Variants in ZNF704 observed in about 807,000 individuals in gnomAD.
ZNF704 encodes glucocorticoid induced gene 1.
In ZNF704, 10 loss-of-function variants were observed where a neutral mutation model predicts 44.7. The ratio of observed to expected loss-of-function variants is 0.22; its 90% CI spans 0.14 to 0.38. ZNF704 has a LOEUF of 0.38. Among genes scored for constraint, ZNF704 ranks in the 10% least tolerant of loss-of-function variants. The pLI is 1.00. For synonymous variants in ZNF704, 211 were observed against 207.6 expected (o/e 1.02, Z -0.14); for missense variants, 390 against 545.5 (o/e 0.71, Z 2.84).
intron 3 of ZNF704, among the ~76,000 whole-genome samples, chr8:80,692,020 CT>C (rs1002892682): frequency 1.3e-3 from 198 of 151,620 alleles, no homozygotes; most frequent in African/African-American, 4.5e-3. Flanking sequence ...CCACCAAGAT[CT>C]TTTTTTTTCC....
At chr8:80,771,292 G>A (rs1807315199) in intron 2 of ZNF704, among the ~76,000 whole-genome samples, 1 of 150,980 alleles carries the variant, frequency 6.6e-6, no homozygotes, top group Non-Finnish European at 1.5e-5. Context: ...ATATTTTTGT[G>A]AGAATTGACT....
chr8:80,668,917 G>A (rs1189127370), intron 5 of ZNF704, among the ~76,000 whole-genome samples: 1 of 152,148 alleles, frequency 6.6e-6, no homozygotes, highest in Non-Finnish European at 1.5e-5. Context: ...TAGCCTCAGA[G>A]TCCTGCTAAC....
intron 5 of ZNF704, among the ~76,000 whole-genome samples, chr8:80,667,931 G>A (rs1818220626): frequency 6.6e-6 from 1 of 152,148 alleles, no homozygotes; most frequent in East Asian, 1.9e-4. Context: ...GTGCTTAGAA[G>A]CAGATCTTAC....
chr8:80,769,679 C>T (rs1336475629), intron 2 of ZNF704, among the ~76,000 whole-genome samples: 1 of 152,314 alleles, frequency 6.6e-6, no homozygotes, highest in East Asian at 1.9e-4. Context: ...ATACTGCTAT[C>T]AGCATTTTTG....
intron 2 of ZNF704, among the ~76,000 whole-genome samples, chr8:80,727,427 GT>G (rs1441193095): frequency 6.6e-6 from 1 of 150,408 alleles, no homozygotes; most frequent in East Asian, 1.9e-4. Context: ...ACTGGTTTTT[GT>G]TTTTGTTTTT....
intron 7 of ZNF704, among the ~76,000 whole-genome samples, chr8:80,657,395 T>C (rs1375432149): frequency 2.0e-5 from 3 of 152,080 alleles, no homozygotes; most frequent in Non-Finnish European, 2.9e-5. Context: ...GGTGAAAGAA[T>C]AAATTAGAAG....
At chr8:80,668,237 TGCA>T (rs886176624) in intron 5 of ZNF704, among the ~76,000 whole-genome samples, 1 of 152,144 alleles carries the variant, frequency 6.6e-6, no homozygotes, top group Non-Finnish European at 1.5e-5. Context: ...GTCCCCTCAC[TGCA>T]GCAGCAGCAG....
chr8:80,799,333 A>T (rs954257852), intron 2 of ZNF704, among the ~76,000 whole-genome samples: 39 of 152,342 alleles, frequency 2.6e-4, no homozygotes, highest in African/African-American at 9.1e-4. Flanking sequence ...AATTGAATTG[A>T]ATTTCTCTTT....
chr8:80,647,377 C>T (rs1011115146), intron 7 of ZNF704, among the ~76,000 whole-genome samples: 6 of 152,120 alleles, frequency 3.9e-5, no homozygotes, highest in Non-Finnish European at 5.9e-5. Context: ...GGAGAGGAGA[C>T]GGAAGTATCA....
intron 2 of ZNF704, among the ~76,000 whole-genome samples, chr8:80,817,381 G>C (rs912170755): frequency 3.3e-5 from 5 of 152,174 alleles, no homozygotes; most frequent in Non-Finnish European, 5.9e-5. Context: ...AGTACAGCAG[G>C]ATTACCAATG....
At chr8:80,707,214 T>C (rs910648188) in intron 2 of ZNF704, among the ~76,000 whole-genome samples, 1 of 152,214 alleles carries the variant, frequency 6.6e-6, no homozygotes, top group African/African-American at 2.4e-5. Flanking sequence ...TGCATGACCA[T>C]CCCTATCACT....
At position 80,874,182 on chromosome 8, in the gene ZNF704, G is replaced by A. The variant is rs1809315911; in HGVS notation, c.-22+389C>T. Among the ~76,000 whole-genome samples the A allele has an allele frequency of 6.8e-6, 1 of 146,440 alleles. No individual in the cohort carries two copies. Among genetic ancestry groups the A allele is most frequent in the Non-Finnish European group, 1.5e-5 (1 of 65,862 alleles). ...CTGCAGGAGCCGCCGGCCAGGACCC[G>A]CGGCTGCCACTGGCTGCAGAGGCGC... On this transcript the variant is annotated intron_variant, in intron 1 of 8. Transcript: ENST00000327835. This position sits in a 1 kb window ranked among gnomAD's most constrained non-coding sequence, Gnocchi z 4.4.
intron 2 of ZNF704, among the ~76,000 whole-genome samples, chr8:80,747,364 T>A (rs1380859569): frequency 6.6e-6 from 1 of 152,138 alleles, no homozygotes; most frequent in Non-Finnish European, 1.5e-5. Context: ...GTTTATACCA[T>A]AAATAGCCAG....
chr8:80,800,335 C>T (rs1807878211), intron 2 of ZNF704, among the ~76,000 whole-genome samples: 2 of 152,010 alleles, frequency 1.3e-5, no homozygotes, highest in Non-Finnish European at 2.9e-5. Context: ...GTAAGATAAT[C>T]CATGAGAAGA....
chr8:80,727,415 C>T (rs562694292), intron 2 of ZNF704, among the ~76,000 whole-genome samples: 25 of 151,408 alleles, frequency 1.7e-4, no homozygotes, highest in Admixed American at 5.3e-4. Flanking sequence ...AGCAGTTCTG[C>T]AACTGGTTTT....
chr8:80,758,280 T>C (rs902631298), intron 2 of ZNF704, among the ~76,000 whole-genome samples: 1 of 152,198 alleles, frequency 6.6e-6, no homozygotes, highest in African/African-American at 2.4e-5. Context: ...GCTCTCAACC[T>C]GTTGAATTAC....
At chr8:80,754,131 C>A (rs1245043981) in intron 2 of ZNF704, among the ~76,000 whole-genome samples, 1 of 152,154 alleles carries the variant, frequency 6.6e-6, no homozygotes, top group Non-Finnish European at 1.5e-5. Context: ...TGACTTTCTT[C>A]TGTTTTTTTT....
At chr8:80,813,095 T>C (rs757125609) in intron 2 of ZNF704, among the ~76,000 whole-genome samples, 2 of 152,236 alleles carry the variant, frequency 1.3e-5, no homozygotes, top group Non-Finnish European at 2.9e-5. Flanking sequence ...AACATTCTCA[T>C]ATATCCAATC....
At chr8:80,670,076 T>C (rs544734093) in intron 5 of ZNF704, among the ~76,000 whole-genome samples, 1 of 152,294 alleles carries the variant, frequency 6.6e-6, no homozygotes, top group Admixed American at 6.5e-5. Context: ...AAATGTACAT[T>C]TCATTCCACA....
Sources: allele counts gnomAD v4.1 joint callset (sites outside exome capture counted in the v4.1 genomes callset), GRCh38; gene constraint gnomAD v4.1.1; non-coding constraint Gnocchi (gnomAD v3.1); transcripts MANE v1.5; gene names NCBI Gene and HGNC (gene_info 2026-07-23, HGNC 2026-07-21).